Variants in CRPPA observed in about 807,000 individuals in gnomAD.
CRPPA encodes D-ribitol-5-phosphate cytidylyltransferase.
CRPPA carries 43 observed loss-of-function variants against 52.0 expected under a neutral mutation model. The ratio of observed to expected loss-of-function variants is 0.83; its 90% CI spans 0.65 to 1.07. CRPPA has a LOEUF of 1.07. Ranked by LOEUF, CRPPA falls within the 50% of genes least tolerant of loss-of-function variation. CRPPA has a pLI of 0.00. For missense variants in CRPPA, 629 were observed against 551.7 expected (o/e 1.14, Z -1.40); for synonymous variants, 250 against 203.5 (o/e 1.23, Z -1.94).
intron 9 of CRPPA, among the ~76,000 whole-genome samples, chr7:16,183,562 C>A (rs761301714): frequency 6.6e-6 from 1 of 152,124 alleles, no homozygotes; most frequent in Non-Finnish European, 1.5e-5. Context: ...TGAATCTAGT[C>A]AAATCTATGG....
intron 9 of CRPPA, among the ~76,000 whole-genome samples, chr7:16,159,828 G>T (rs898527821): frequency 6.6e-6 from 1 of 152,144 alleles, no homozygotes; most frequent in Non-Finnish European, 1.5e-5. Context: ...CCCACCAACA[G>T]TGTAAAAGTG....
At chr7:16,216,749 G>C (rs1446502268) in intron 8 of CRPPA, among the ~76,000 whole-genome samples, 1 of 152,182 alleles carries the variant, frequency 6.6e-6, no homozygotes, top group African/African-American at 2.4e-5. Context: ...AAAAAACGGC[G>C]CACCACGAGA....
chr7:16,352,283 G>A (rs1786176113), intron 3 of CRPPA, among the ~76,000 whole-genome samples: 1 of 151,928 alleles, frequency 6.6e-6, no homozygotes, highest in East Asian at 1.9e-4. Context: ...GGAGCAAGGG[G>A]AGGGAGAACA....
intron 3 of CRPPA, among the ~76,000 whole-genome samples, chr7:16,314,101 G>C (rs1359414035): frequency 6.6e-6 from 1 of 151,626 alleles, no homozygotes; most frequent in East Asian, 1.9e-4. Flanking sequence ...GAGGGGTGTT[G>C]AAGTCTCCAA....
chr7:16,115,684 T>C (rs1405843389), intron 9 of CRPPA, among the ~76,000 whole-genome samples: 2 of 152,160 alleles, frequency 1.3e-5, no homozygotes, highest in Non-Finnish European at 2.9e-5. Context: ...GTCTGAAATA[T>C]CCTTTGGTGC....
At chr7:16,272,934 T>C (rs931312625) in intron 6 of CRPPA, among the ~76,000 whole-genome samples, 2 of 151,880 alleles carry the variant, frequency 1.3e-5, no homozygotes, top group Non-Finnish European at 2.9e-5. Context: ...TTTGAAAGAA[T>C]GTCTATTCAT....
intron 2 of CRPPA, among the ~76,000 whole-genome samples, chr7:16,386,281 G>T (rs553893206): frequency 6.6e-6 from 1 of 152,124 alleles, no homozygotes; most frequent in African/African-American, 2.4e-5. Flanking sequence ...CTTCTCTGCC[G>T]TGCTGTTCTG....
chr7:16,342,965 G>A (rs1785914313), intron 3 of CRPPA, among the ~76,000 whole-genome samples: 1 of 142,486 alleles, frequency 7.0e-6, no homozygotes, highest in Admixed American at 7.3e-5. Flanking sequence ...GCTTGAGCCT[G>A]GGAGGTAGAA....
chr7:16,194,432 T>G (rs142268553), intron 9 of CRPPA, among the ~76,000 whole-genome samples: 195 of 152,250 alleles, frequency 1.3e-3, no homozygotes, highest in African/African-American at 3.9e-3. Context: ...CATATGCCTT[T>G]GTCTCTTAAC....
chr7:16,387,076 TATATATATATAC>T lies in CRPPA; in HGVS notation c.535-10847_535-10836del, dbSNP rs1167199450. Reference sequence around the variant, plus strand: ...ATATATATATATATATATATATATATATATATATATACACACATATATATATGTATATACACA... The same window carrying T: ...ATATATATATATATATATATATATATACACATATATATATGTATATACACA... On this transcript the variant is annotated intron_variant, in intron 2 of 9. Transcript: ENST00000407010. Among the ~76,000 whole-genome samples, 157 of 65,626 alleles carry T rather than the reference TATATATATATAC, an allele frequency of 2.4e-3. 3 individuals carry two copies. The highest frequency in any genetic ancestry group is 0.013 in the African/African-American group (145 of 11,398). 43.1% of individuals were successfully genotyped at this position (65,626 alleles called of 152,430 possible). A position where few individuals can be genotyped will look rare whatever the true frequency, so the allele number is the denominator to read the frequency against.
chr7:16,262,358 G>A (rs1783833007), intron 6 of CRPPA, among the ~76,000 whole-genome samples: 1 of 152,036 alleles, frequency 6.6e-6, no homozygotes, highest in South Asian at 2.1e-4. Context: ...TTGCTGTATT[G>A]TTTCTCTAAG....
intron 9 of CRPPA, among the ~76,000 whole-genome samples, chr7:16,188,070 G>A (rs1044634299): frequency 1.3e-4 from 19 of 143,930 alleles, no homozygotes; most frequent in Non-Finnish European, 2.3e-4. Flanking sequence ...TTTTTGAGAC[G>A]GAGTCCTGTT....
chr7:16,248,764 C>T (rs1338598053), intron 8 of CRPPA, among the ~76,000 whole-genome samples: 2 of 152,158 alleles, frequency 1.3e-5, no homozygotes, highest in Non-Finnish European at 2.9e-5. Flanking sequence ...TGGGGCGTCG[C>T]CTCACCTGGG....
chr7:16,211,471 G>A (rs1782135813), intron 9 of CRPPA, among the ~76,000 whole-genome samples: 1 of 152,142 alleles, frequency 6.6e-6, no homozygotes, highest in Non-Finnish European at 1.5e-5. Context: ...ATGATTCGGT[G>A]CCATGGAAAG....
intron 9 of CRPPA, among the ~76,000 whole-genome samples, chr7:16,152,664 T>G (rs1016645242): frequency 5.3e-5 from 8 of 152,190 alleles, no homozygotes; most frequent in Admixed American, 5.2e-4. Flanking sequence ...AAAGCAATTA[T>G]ATACTGATTT....
rs1467072487 is a variant in CRPPA, at chr7:16,132,421, T to TA, written c.1252-40623dup. Among the ~76,000 whole-genome samples, 23 of 124,664 alleles carry TA rather than the reference T, an allele frequency of 1.8e-4. 7 individuals carry two copies. Among genetic ancestry groups the TA allele is most frequent in the Non-Finnish European group, 3.5e-4 (19 of 54,818 alleles). 81.8% of individuals were successfully genotyped at this position (124,664 alleles called of 152,430 possible). A position where few individuals can be genotyped will look rare whatever the true frequency, so the allele number is the denominator to read the frequency against. ...TTAGATACATAATGAAGAAAGCATA[T>TA]ATAGAATTCTCTCGTTGAAAGAGAA... On this transcript the variant is annotated intron_variant, in intron 9 of 9. Coordinates refer to ENST00000407010, the MANE Select transcript of CRPPA (RefSeq NM_001101426.4).
intron 3 of CRPPA, among the ~76,000 whole-genome samples, chr7:16,372,398 C>T (rs1040519223): frequency 2.0e-5 from 3 of 152,172 alleles, no homozygotes; most frequent in African/African-American, 4.8e-5. Context: ...TATCTTTAGC[C>T]TCCTGAAACA....
intron 3 of CRPPA, among the ~76,000 whole-genome samples, chr7:16,340,895 A>C (rs1486111480): frequency 6.6e-6 from 1 of 152,168 alleles, no homozygotes; most frequent in Admixed American, 6.5e-5. Flanking sequence ...ACTATGGTAC[A>C]TCCAGAGAAT....
chr7:16,115,472 T>C (rs903298818), intron 9 of CRPPA, among the ~76,000 whole-genome samples: 51 of 152,312 alleles, frequency 3.3e-4, no homozygotes, highest in Admixed American at 2.9e-3. Context: ...GAAATAGGTA[T>C]AGAAGAGTGT....
Sources: allele counts gnomAD v4.1 joint callset (sites outside exome capture counted in the v4.1 genomes callset), GRCh38; gene constraint gnomAD v4.1.1; transcripts MANE v1.5; gene names NCBI Gene and HGNC (gene_info 2026-07-23, HGNC 2026-07-21).